The following ITPK1 variants were observed in gnomAD, a reference collection of about 807,000 sequenced individuals.
ITPK1 encodes inositol 1,3,4-trisphosphate 5/6-kinase.
ITPK1 carries 21 observed loss-of-function variants against 45.3 expected under a neutral mutation model. That is an observed-to-expected ratio of 0.46 (90% CI 0.33 to 0.67). The LOEUF is 0.67. Among genes scored for constraint, ITPK1 ranks in the 30% least tolerant of loss-of-function variants. ITPK1 has a pLI of 0.02. For missense variants in ITPK1, 474 were observed against 573.5 expected, an observed-to-expected ratio of 0.83 and a Z score of 1.77; for synonymous variants, 258 against 253.6, an observed-to-expected ratio of 1.02 and a Z score of -0.16.
At chr14:92,989,338 GAGA>G (rs1886660445) in intron 5 of ITPK1, among the ~76,000 whole-genome samples, 1 of 152,280 alleles carries the variant, frequency 6.6e-6, no homozygotes, top group African/African-American at 2.4e-5. Flanking sequence ...GAACTTCTAA[GAGA>G]AGAAGAACAG....
intron 1 of ITPK1, among the ~76,000 whole-genome samples, 189 bp from the exon 2 acceptor site, chr14:93,115,494 G>T (rs1170982327): frequency 3.3e-5 from 5 of 149,692 alleles, no homozygotes; most frequent in Admixed American, 1.3e-4. Flanking sequence ...GCTGGGGCAC[G>T]GCTGAGCCTG....
At chr14:93,057,218 C>T (rs1050502521) in intron 3 of ITPK1, among the ~76,000 whole-genome samples, 1 of 152,204 alleles carries the variant, frequency 6.6e-6, no homozygotes, top group Non-Finnish European at 1.5e-5. Context: ...ATCACCCAGA[C>T]TCCAAATCCA....
Position 92,941,559 on chromosome 14 carries a change from G to A in ITPK1, c.*2C>T. 1 of 1,529,228 alleles carries A rather than the reference G, an allele frequency of 6.5e-7. No individual in the cohort carries two copies. The highest frequency in any genetic ancestry group is 8.8e-7 in the Non-Finnish European group (1 of 1,142,138). The allele number at this position is 1,529,228 out of a possible 1,614,324, so 94.7% of individuals were successfully genotyped here. ...CTGCCCCTCTGGGTCCCGGCTCCGT[G>A]GCTACTGGGAGGAGGCCTTGGTGGC... On this transcript the variant is annotated 3_prime_UTR_variant, in exon 11 of 11. Transcript: ENST00000267615.
At chr14:92,976,355 G>A (rs1885939991) in intron 5 of ITPK1, among the ~76,000 whole-genome samples, 1 of 152,158 alleles carries the variant, frequency 6.6e-6, no homozygotes, top group Non-Finnish European at 1.5e-5. Flanking sequence ...TGGAAGCAAG[G>A]CCAGAGAGGC....
At chr14:93,066,730 A>C (rs1002225206) in intron 3 of ITPK1, among the ~76,000 whole-genome samples, 3 of 152,186 alleles carry the variant, frequency 2.0e-5, no homozygotes, top group Non-Finnish European at 4.4e-5. Context: ...AAAAGCATGA[A>C]TAAAAATATG....
intron 5 of ITPK1, among the ~76,000 whole-genome samples, chr14:92,987,235 G>A (rs1886532903): frequency 6.6e-6 from 1 of 152,234 alleles, no homozygotes; most frequent in South Asian, 2.1e-4. Context: ...CAGGGAAGAG[G>A]AGATGGCACA....
intron 5 of ITPK1, among the ~76,000 whole-genome samples, chr14:92,968,737 G>A (rs115360435): frequency 2.0e-5 from 3 of 152,210 alleles, no homozygotes; most frequent in Non-Finnish European, 2.9e-5. Context: ...AGGTCTGCAC[G>A]GTCATTCTTG....
intron 3 of ITPK1, among the ~76,000 whole-genome samples, chr14:93,054,499 A>G (rs1890143358): frequency 6.6e-6 from 1 of 152,204 alleles, no homozygotes; most frequent in Admixed American, 6.5e-5. Context: ...GGAAAAAAAC[A>G]AAAAACCATT....
chr14:92,995,428 C>A (rs1175128879), intron 4 of ITPK1, among the ~76,000 whole-genome samples: 1 of 152,238 alleles, frequency 6.6e-6, no homozygotes, highest in Non-Finnish European at 1.5e-5. Context: ...CTAGTGACCA[C>A]TTGTTAAGCC....
At chr14:93,022,318 C>A (rs560967690) in intron 3 of ITPK1, among the ~76,000 whole-genome samples, 2 of 152,322 alleles carry the variant, frequency 1.3e-5, no homozygotes, top group South Asian at 4.1e-4. Flanking sequence ...AGAAAAGACA[C>A]AGAGAGCATG....
chr14:92,980,884 T>A (rs1413407575), intron 5 of ITPK1, among the ~76,000 whole-genome samples: 1 of 152,176 alleles, frequency 6.6e-6, no homozygotes, highest in Non-Finnish European at 1.5e-5. Context: ...ATTTTTGTAT[T>A]TTTAGTAGAA....
At chr14:93,058,405 A>ATAAGG in intron 3 of ITPK1, among the ~76,000 whole-genome samples, 1 of 70,110 alleles carries the variant, frequency 1.4e-5, no homozygotes, top group Admixed American at 1.5e-4. Flanking sequence ...AGGTCGCAAC[A>ATAAGG]CAGGGGTGGA....
chr14:92,943,149 G>A (rs371911384), intron 10 of ITPK1, among the ~76,000 whole-genome samples: 3 of 152,246 alleles, frequency 2.0e-5, no homozygotes, highest in East Asian at 3.9e-4. Context: ...GGCACTGTGC[G>A]AGCGTCCCGC....
intron 8 of ITPK1, 21 bp from the exon 9 acceptor site, chr14:92,952,034 A>G (rs777107491): frequency 1.3e-6 from 2 of 1,554,710 alleles, no homozygotes; most frequent in Non-Finnish European, 1.7e-6. Flanking sequence ...GACAGGAAGG[A>G]GCCGGCGTTA....
chr14:92,982,018 G>T (rs959249519), intron 5 of ITPK1, among the ~76,000 whole-genome samples: 52 of 152,240 alleles, frequency 3.4e-4, no homozygotes, highest in African/African-American at 1.2e-3. Flanking sequence ...GGAGTGCAGG[G>T]GCAGTATGAC....
At position 93,034,412 on chromosome 14, in the gene ITPK1, C is replaced by T. The variant is rs982854458; in HGVS notation, c.121-17611G>A. ...AAAACTCTTCTGGGGGCCCTACAGGCCTCCTCAGAGGGCGACTCCGGCCCC... is the reference window on the plus strand; with the variant it reads ...AAAACTCTTCTGGGGGCCCTACAGGTCTCCTCAGAGGGCGACTCCGGCCCC... On this transcript the variant is annotated intron_variant, in intron 3 of 10. Coordinates refer to ENST00000267615, the MANE Select transcript of ITPK1 (RefSeq NM_014216.6). The surrounding 1 kb of genome is among the most constrained non-coding windows in gnomAD (Gnocchi z 4.1). Among the ~76,000 whole-genome samples, 2 of 152,214 alleles carry T rather than the reference C, an allele frequency of 1.3e-5. No individual in the cohort carries two copies. Among genetic ancestry groups the T allele is most frequent in the African/African-American group, 2.4e-5 (1 of 41,448 alleles).
chr14:93,030,779 G>A (rs1026827157), intron 3 of ITPK1, among the ~76,000 whole-genome samples: 4 of 152,244 alleles, frequency 2.6e-5, no homozygotes, highest in African/African-American at 9.6e-5. Flanking sequence ...ACCTGGTTAG[G>A]AAATGGGGTC....
chr14:93,089,092 GCCTCTCCAC>G (rs746011895), intron 2 of ITPK1, among the ~76,000 whole-genome samples: 2 of 152,192 alleles, frequency 1.3e-5, no homozygotes, highest in Non-Finnish European at 2.9e-5. Flanking sequence ...GGACAGAGCT[GCCTCTCCAC>G]CCAACCACCT....
At chr14:93,003,723 GCCCATC>G (rs1232454682) in intron 4 of ITPK1, among the ~76,000 whole-genome samples, 1 of 152,200 alleles carries the variant, frequency 6.6e-6, no homozygotes, top group East Asian at 1.9e-4. Context: ...GCTTCTGCCT[GCCCATC>G]ACTGTCAGAT....
Sources: gnomAD v4.1 joint callset for allele counts (sites outside exome capture counted in the v4.1 genomes callset) on GRCh38, gnomAD v4.1.1 for gene constraint, Gnocchi (gnomAD v3.1) non-coding constraint, MANE v1.5 for transcripts, NCBI Gene and HGNC (gene_info 2026-07-23, HGNC 2026-07-21) for gene names.